DFFA: variants seen among roughly 807,000 people sequenced by gnomAD.
The protein encoded by DFFA is DNA fragmentation factor subunit alpha.
In DFFA, 14 loss-of-function variants were observed where a neutral mutation model predicts 28.0. The ratio of observed to expected loss-of-function variants is 0.50; its 90% CI spans 0.33 to 0.78. DFFA has a LOEUF of 0.78. Ranked by LOEUF, DFFA falls within the 30% of genes least tolerant of loss-of-function variation. The pLI, the probability that DFFA is intolerant of heterozygous loss-of-function variation, is 0.02. For missense variants in DFFA, 395 were observed against 407.1 expected (o/e 0.97, Z 0.26); for synonymous variants, 158 against 170.3 (o/e 0.93, Z 0.56).
Position 10,469,350 on chromosome 1 carries a change from A to C in DFFA, c.137-12T>G. On this transcript the variant is annotated splice_polypyrimidine_tract_variant and intron_variant, in intron 1 of 5. Coordinates refer to ENST00000377038, the MANE Select transcript of DFFA (RefSeq NM_004401.3). The stretch of plus-strand genomic sequence containing the variant: ...CAGAATGTCACAGGCTGAAAAGAAT[A>C]AAATATTTGGCAAATGACAAATAAC... The C allele has an allele frequency of 3.1e-6, 5 of 1,611,664 alleles. No individual in the cohort carries two copies. The highest frequency in any genetic ancestry group is 4.2e-6 in the Non-Finnish European group (5 of 1,179,026).
At chr1:10,464,842 C>G (rs1557794043) in intron 3 of DFFA, among the ~76,000 whole-genome samples, 1 of 152,216 alleles carries the variant, frequency 6.6e-6, no homozygotes, top group Non-Finnish European at 1.5e-5. Context: ...TTTCCTGTTG[C>G]TTTCTGCCTC....
chr1:10,465,927 C>A (rs1437097909), intron 3 of DFFA, among the ~76,000 whole-genome samples: 1 of 150,698 alleles, frequency 6.6e-6, no homozygotes, highest in African/African-American at 2.5e-5. Flanking sequence ...CTTGGCCTCC[C>A]AAAATGCTAG....
chr1:10,468,975 G>T (rs1641057379), intron 2 of DFFA, among the ~76,000 whole-genome samples: 1 of 152,098 alleles, frequency 6.6e-6, no homozygotes, highest in Admixed American at 6.6e-5. Context: ...CTGAGCTCAG[G>T]TGATCTGCCC....
intron 1 of DFFA, among the ~76,000 whole-genome samples, chr1:10,470,466 C>A (rs1641081107): frequency 6.7e-6 from 1 of 148,904 alleles, no homozygotes; most frequent in Non-Finnish European, 1.5e-5. Flanking sequence ...ACTCTGTCGC[C>A]CAGGCTGGAG....
In DFFA at chr1:10,462,147, C is replaced by T. The variant is rs192788301; in HGVS notation, c.784-445G>A. Among the ~76,000 whole-genome samples, 580 of 152,134 alleles carry T rather than the reference C, an allele frequency of 3.8e-3. 9 individuals are homozygous for T. The East Asian group carries it at 0.079, about 21-fold the overall frequency. On this transcript the variant is annotated intron_variant, in intron 5 of 5. Transcript: ENST00000377038. Reference sequence around the variant, plus strand: ...TGCTGGGATTACAGGCGTGAGCCACCGCGCCCAGCCTGCCATGGGCTTTTT... The same window carrying T: ...TGCTGGGATTACAGGCGTGAGCCACTGCGCCCAGCCTGCCATGGGCTTTTT...
intron 3 of DFFA, among the ~76,000 whole-genome samples, chr1:10,464,124 G>T (rs189908581): frequency 6.8e-6 from 1 of 148,112 alleles, no homozygotes; most frequent in Non-Finnish European, 1.5e-5. Context: ...ACAGAGTCTC[G>T]CTCTGTCACC....
intron 1 of DFFA, among the ~76,000 whole-genome samples, chr1:10,470,517 C>T (rs1208393788): frequency 1.4e-4 from 21 of 150,832 alleles, no homozygotes; most frequent in Admixed American, 1.3e-3. Context: ...CTCCGCCCCC[C>T]GGGTTCACGC....
At position 10,469,244 on chromosome 1, in the gene DFFA, C is replaced by A; in HGVS notation, c.231G>T (p.Leu77=). 6.2e-7 allele frequency: 1 copy of A among 1,614,190 alleles called. No homozygotes were observed. Residue 77 remains leucine (L), a synonymous_variant, in exon 2 of 6, where the codon CTG becomes CTT. Transcript: ENST00000377038. ...GTIVDDDDYF[L]CLPSNTKFVA... is the part of the protein sequence containing the mutation. ...CAAACTTAGTATTGGAAGGTAGACACAGAAAGTAATCGTCATCATCCACTA... is the reference window on the plus strand; with the variant it reads ...CAAACTTAGTATTGGAAGGTAGACAAAGAAAGTAATCGTCATCATCCACTA...
chr1:10,463,966 A>G (rs1412499078), intron 3 of DFFA, among the ~76,000 whole-genome samples: 1 of 151,926 alleles, frequency 6.6e-6, no homozygotes, highest in African/African-American at 2.4e-5. Context: ...CGCCCGGCCT[A>G]CAAGGACTTT....
chr1:10,469,648 G>A (rs1210556725), intron 1 of DFFA, among the ~76,000 whole-genome samples: 1 of 152,084 alleles, frequency 6.6e-6, no homozygotes, highest in East Asian at 1.9e-4. Context: ...AGCCTCCCGA[G>A]TAGTTGGGAT....
chr1:10,461,408 A>AT lies in DFFA; in HGVS notation c.*81dup. 3 of 1,521,430 alleles carry AT rather than the reference A, an allele frequency of 2.0e-6. No homozygotes were observed. Among genetic ancestry groups the AT allele is most frequent in the South Asian group, 1.3e-5 (1 of 78,310 alleles). The allele number at this position is 1,521,430 out of a possible 1,614,324, so 94.2% of individuals were successfully genotyped here. A position where few individuals can be genotyped will look rare whatever the true frequency, so the allele number is the denominator to read the frequency against. On this transcript the variant is annotated 3_prime_UTR_variant, in exon 6 of 6. Transcript: ENST00000377038. ...TCTAAGGCAGGGGGTAGAGTAGTAC[A>AT]TAGGTAGTCAAATGATGAGGCTGAG...
At chr1:10,469,961 A>T (rs1345887831) in intron 1 of DFFA, among the ~76,000 whole-genome samples, 1 of 150,628 alleles carries the variant, frequency 6.6e-6, no homozygotes, top group Non-Finnish European at 1.5e-5. Context: ...GACTACAGGC[A>T]CCGGCCACCG....
chr1:10,456,760 T>G lies in DFFA; in HGVS notation c.*4730A>C, dbSNP rs1413775882. 6.6e-6 allele frequency: 1 copy of G among 152,254 alleles called. No individual in the cohort carries two copies. The highest frequency in any genetic ancestry group is 2.4e-5 in the African/African-American group (1 of 41,464). The allele number at this position is 152,254 out of a possible 1,614,324, so 9.4% of individuals were successfully genotyped here. Reference sequence around the variant, plus strand: ...TGCCTCATGAGGACCGACATTTGACTTAAGCTGAAATAATGGAATATGGCT... The same window carrying G: ...TGCCTCATGAGGACCGACATTTGACGTAAGCTGAAATAATGGAATATGGCT... On this transcript the variant is annotated 3_prime_UTR_variant, in exon 6 of 6. Coordinates refer to ENST00000377038, the MANE Select transcript of DFFA (RefSeq NM_004401.3).
rs144037035 is a variant in DFFA, at chr1:10,463,147, A to C, written c.694T>G (p.Ser232Ala). The C allele has an allele frequency of 2.5e-6, 4 of 1,614,014 alleles. No homozygotes were observed. The highest frequency in any genetic ancestry group is 3.4e-6 in the Non-Finnish European group (4 of 1,180,040). Residue 232 changes from serine to alanine, a missense_variant, in exon 5 of 6, where the codon TCC becomes GCC. Ser to Ala is a moderately conservative substitution (Grantham distance 99, BLOSUM62 1). Transcript: ENST00000377038. ...AVDTGISRET[S>A]SDVALASHIL... ...TGGCTCGCCAGCGCAACGTCCGAGG[A>C]GGTCTCTCTGCTGATACCCGTGTCT...
Position 10,463,554 on chromosome 1 carries a change from G to A in DFFA, c.508C>T (p.Arg170Trp), listed in dbSNP as rs142126689. 2.6e-5 allele frequency: 42 copies of A among 1,614,090 alleles called. No homozygotes were observed. The highest frequency in any genetic ancestry group is 2.9e-5 in the Non-Finnish European group (34 of 1,180,042). ...ACCTGTTGGAGTGTGTGCTGCAGCCGCTGGACGGTGGCACAACTCTGACGT... is the reference window on the plus strand; with the variant it reads ...ACCTGTTGGAGTGTGTGCTGCAGCCACTGGACGGTGGCACAACTCTGACGT... ...ELRQSCATVQ[R>W]LQHTLQQVLD... is the part of the protein sequence containing the mutation. Residue 170 changes from arginine (R) to tryptophan (W), a missense_variant, in exon 4 of 6, where the codon CGG becomes TGG. Transcript: ENST00000377038.
chr1:10,468,393 G>C (rs952439304), intron 2 of DFFA, among the ~76,000 whole-genome samples: 2 of 150,672 alleles, frequency 1.3e-5, no homozygotes, highest in Non-Finnish European at 1.5e-5. Context: ...GTTGTGGGGG[G>C]AGGTTCGTAA....
At chr1:10,467,112 G>A (rs932387941) in intron 3 of DFFA, 78 bp downstream of exon 3, 11 of 1,528,522 alleles carry the variant, frequency 7.2e-6, no homozygotes, top group African/African-American at 4.1e-5. Context: ...GCTATGGCAA[G>A]TATGGAAGCT....
intron 5 of DFFA, 198 bp from the exon 6 acceptor site, chr1:10,461,900 G>A: frequency 1.0e-6 from 1 of 977,178 alleles, no homozygotes. Flanking sequence ...TGTCACCCAG[G>A]CTGGAGTGCA....
rs912399628 is a variant in DFFA at position 10,456,536 on chromosome 1, A to G, written c.*4954T>C. 6.6e-6 allele frequency: 1 copy of G among 151,720 alleles called. No individual in the cohort carries two copies. The highest frequency in any genetic ancestry group is 1.5e-5 in the Non-Finnish European group (1 of 67,960). 9.4% of individuals were successfully genotyped at this position (151,720 alleles called of 1,614,324 possible). ...TGAACAGGTAATTAGGAAATTAAAC[A>G]GCTAAATAATGTGGTTATTTATTAA... On this transcript the variant is annotated 3_prime_UTR_variant, in exon 6 of 6. Coordinates refer to ENST00000377038, the MANE Select transcript of DFFA (RefSeq NM_004401.3).
Sources: gnomAD v4.1 joint callset for allele counts (sites outside exome capture counted in the v4.1 genomes callset) on GRCh38, gnomAD v4.1.1 for gene constraint, MANE v1.5 for transcripts, NCBI Gene and HGNC (gene_info 2026-07-23, HGNC 2026-07-21) for gene names.